The following TAF1B variants were observed in gnomAD, a reference collection of about 807,000 sequenced individuals.
TAF1B encodes the protein TATA box-binding protein-associated factor RNA polymerase I subunit B.
A neutral mutation model predicts 83.9 loss-of-function variants in TAF1B; 61 were observed. That is an observed-to-expected ratio of 0.73 (90% CI 0.59 to 0.90). TAF1B has a LOEUF of 0.90. TAF1B is among the 40% of genes least tolerant of loss of function. The pLI is 0.00. For synonymous variants in TAF1B, 221 were observed against 224.6 expected (o/e 0.98, Z 0.14); for missense variants, 625 against 677.0 (o/e 0.92, Z 0.85).
At position 9,891,110 on chromosome 2, in the gene TAF1B, T is replaced by C. The variant is rs1189447259; in HGVS notation, c.807+8305T>C. Among the ~76,000 whole-genome samples the C allele has an allele frequency of 4.6e-5, 7 of 152,234 alleles. No homozygotes were observed. The South Asian group carries it at 6.2e-4, about 13-fold the overall frequency. On this transcript the variant is annotated intron_variant, in intron 8 of 14. Transcript: ENST00000263663. ...TAAATTATACAATACAGTCATGTGC[T>C]GTATAACTGTTTCAGTCAACAATGG...
At chr2:9,926,599 G>A (rs1175860295) in intron 14 of TAF1B, among the ~76,000 whole-genome samples, 2 of 152,080 alleles carry the variant, frequency 1.3e-5, no homozygotes, top group Admixed American at 1.3e-4. Context: ...AACACTTTGG[G>A]AGGCTGAGGT....
intron 12 of TAF1B, among the ~76,000 whole-genome samples, chr2:9,916,961 C>T (rs1665702014): frequency 6.6e-6 from 1 of 150,680 alleles, no homozygotes; most frequent in Non-Finnish European, 1.5e-5. Context: ...GTTCTTCTGC[C>T]TCAGCCTCCC....
intron 8 of TAF1B, among the ~76,000 whole-genome samples, chr2:9,885,569 C>T (rs1310291249): frequency 6.6e-6 from 1 of 152,198 alleles, no homozygotes; most frequent in Non-Finnish European, 1.5e-5. Flanking sequence ...GAGCAGAAAG[C>T]AAGCTTGGAC....
At chr2:9,844,718 G>A (rs1188417193) in intron 1 of TAF1B, among the ~76,000 whole-genome samples, 1 of 151,480 alleles carries the variant, frequency 6.6e-6, no homozygotes, top group Non-Finnish European at 1.5e-5. Flanking sequence ...GGTCTGTTTT[G>A]CTCACCATTG....
chr2:9,886,373 G>A (rs969434266), intron 8 of TAF1B, among the ~76,000 whole-genome samples: 1 of 152,128 alleles, frequency 6.6e-6, no homozygotes, highest in Non-Finnish European at 1.5e-5. Flanking sequence ...AATTAGGTTC[G>A]AGGAAGTCCA....
chr2:9,929,403 CCACGT>C (rs1016059064), intron 14 of TAF1B, among the ~76,000 whole-genome samples: 8 of 152,136 alleles, frequency 5.3e-5, no homozygotes, highest in African/African-American at 1.9e-4. Context: ...CGTGATCCAC[CCACGT>C]CAGCCTCCCA....
At chr2:9,904,353 C>A (rs1665279114) in intron 8 of TAF1B, among the ~76,000 whole-genome samples, 2 of 152,118 alleles carry the variant, frequency 1.3e-5, no homozygotes, top group African/African-American at 4.8e-5. Context: ...GTGAGAAATG[C>A]AGTATTTGGA....
chr2:9,909,453 T>G (rs563096466), intron 9 of TAF1B, among the ~76,000 whole-genome samples: 35 of 152,270 alleles, frequency 2.3e-4, no homozygotes, highest in Non-Finnish European at 4.1e-4. Context: ...GGAAAGAAAC[T>G]GGCTTTCTAG....
At position 9,860,316 on chromosome 2, in the gene TAF1B, T is replaced by A. The variant is rs549708242; in HGVS notation, c.399+5895T>A. Reference sequence around the variant, plus strand: ...AGAGGTCTGAGCCGGAGACATAAATTTCGAAGCTGTTAGTTTATATTATAA... The same window carrying A: ...AGAGGTCTGAGCCGGAGACATAAATATCGAAGCTGTTAGTTTATATTATAA... On this transcript the variant is annotated intron_variant, in intron 5 of 14. Coordinates refer to ENST00000263663, the MANE Select transcript of TAF1B (RefSeq NM_005680.3). 3.9e-5 allele frequency among the ~76,000 whole-genome samples: 6 copies of A among 152,306 alleles called. No individual in the cohort carries two copies. In the South Asian group the frequency reaches 1.2e-3, roughly 32 times the overall value.
chr2:9,933,154 CG>C (rs2125188795), intron 14 of TAF1B, among the ~76,000 whole-genome samples: 1 of 152,310 alleles, frequency 6.6e-6, no homozygotes, highest in East Asian at 1.9e-4. Context: ...GCTCACCCTC[CG>C]TGGGCTGCAC....
intron 12 of TAF1B, among the ~76,000 whole-genome samples, chr2:9,917,396 C>G (rs1665714324): frequency 6.6e-6 from 1 of 152,098 alleles, no homozygotes. Flanking sequence ...ATTATAGATG[C>G]TACAGATTTT....
chr2:9,852,553 A>G (rs1316387369), intron 4 of TAF1B, among the ~76,000 whole-genome samples: 1 of 152,008 alleles, frequency 6.6e-6, no homozygotes, highest in East Asian at 1.9e-4. Context: ...GTGCACTGGC[A>G]TGATCTTCGC....
intron 5 of TAF1B, among the ~76,000 whole-genome samples, chr2:9,859,214 AATC>A (rs1255146373): frequency 1.3e-5 from 2 of 151,986 alleles, no homozygotes; most frequent in Admixed American, 1.3e-4. Context: ...AGATACCCTG[AATC>A]ATCTTTCTCA....
chr2:9,872,325 TAA>T (rs34234383), intron 6 of TAF1B, among the ~76,000 whole-genome samples: 202 of 137,996 alleles, frequency 1.5e-3, no homozygotes, highest in Admixed American at 2.7e-3. Context: ...GATTCCATCT[TAA>T]AAAAAAAAAA....
chr2:9,863,275 A>G (rs1313278489), intron 5 of TAF1B, among the ~76,000 whole-genome samples: 1 of 152,234 alleles, frequency 6.6e-6, no homozygotes, highest in Non-Finnish European at 1.5e-5. Flanking sequence ...ATGGAAAGCA[A>G]AAAAAGGCAG....
intron 8 of TAF1B, among the ~76,000 whole-genome samples, chr2:9,887,959 C>T (rs1245078163): frequency 6.6e-6 from 1 of 152,030 alleles, no homozygotes; most frequent in Non-Finnish European, 1.5e-5. Context: ...CTTAAGCAAT[C>T]CTTTTGCCTC....
At chr2:9,876,126 A>G in intron 7 of TAF1B, 108 bp downstream of exon 7, 2 of 1,187,114 alleles carry the variant, frequency 1.7e-6, no homozygotes, top group East Asian at 2.4e-5. Flanking sequence ...TTGAGGAAGG[A>G]ACTGGAAAGG....
At chr2:9,876,822 A>G (rs1664334278) in intron 7 of TAF1B, among the ~76,000 whole-genome samples, 1 of 152,200 alleles carries the variant, frequency 6.6e-6, no homozygotes, top group Non-Finnish European at 1.5e-5. Context: ...ACTACCTCAT[A>G]GGGTTGTAAC....
intron 2 of TAF1B, chr2:9,845,773 G>A (rs1483377470): frequency 2.0e-5 from 5 of 247,168 alleles, no homozygotes; most frequent in Middle Eastern, 1.5e-3. Flanking sequence ...ACCTGAGGTC[G>A]GGAGTTTGAG....
Sources: gnomAD v4.1 joint callset for allele counts (sites outside exome capture counted in the v4.1 genomes callset) on GRCh38, gnomAD v4.1.1 for gene constraint, MANE v1.5 for transcripts, NCBI Gene and HGNC (gene_info 2026-07-23, HGNC 2026-07-21) for gene names.